Variants in NECTIN3 observed in about 807,000 individuals in gnomAD.
The protein encoded by NECTIN3 is nectin-3.
A neutral mutation model predicts 49.4 loss-of-function variants in NECTIN3; 8 were observed. That is an observed-to-expected ratio of 0.16 (90% CI 0.10 to 0.29). The LOEUF is 0.29. NECTIN3 is among the 10% of genes least tolerant of loss of function. NECTIN3 has a pLI of 1.00. For missense variants in NECTIN3, 581 were observed against 654.6 expected, an observed-to-expected ratio of 0.89 and a Z score of 1.23; for synonymous variants, 277 against 241.1, an observed-to-expected ratio of 1.15 and a Z score of -1.38.
At chr3:111,165,031 A>G (rs1186690632) in intron 7 of NECTIN3, among the ~76,000 whole-genome samples, 1 of 151,800 alleles carries the variant, frequency 6.6e-6, no homozygotes, top group Non-Finnish European at 1.5e-5. Flanking sequence ...GATGTTTTTT[A>G]TTTTTTTATT....
chr3:111,170,479 G>A (rs906100571), intron 7 of NECTIN3, among the ~76,000 whole-genome samples: 2 of 152,190 alleles, frequency 1.3e-5, no homozygotes, highest in African/African-American at 2.4e-5. Flanking sequence ...TTTTATTAAA[G>A]CACAGTGAGG....
At position 111,136,784 on chromosome 3, in the gene NECTIN3, A is replaced by T. The variant is rs931768767; in HGVS notation, c.*2569A>T. The stretch of plus-strand genomic sequence containing the variant: ...AATTCACTTGAGAGTTTTCTTTCAT[A>T]CTGGTTAAAATATTTCAATGATATA... On this transcript the variant is annotated 3_prime_UTR_variant, in exon 6 of 6. Coordinates refer to ENST00000485303, the MANE Select transcript of NECTIN3 (RefSeq NM_015480.3). The T allele has an allele frequency of 1.1e-6, 1 of 934,190 alleles. No individual in the cohort carries two copies. Among genetic ancestry groups the T allele is most frequent in the African/African-American group, 1.8e-5 (1 of 55,834 alleles). The allele number at this position is 934,190 out of a possible 1,614,324, so 57.9% of individuals were successfully genotyped here. A position where few individuals can be genotyped will look rare whatever the true frequency, so the allele number is the denominator to read the frequency against.
At chr3:111,184,493 G>A (rs942075440) in intron 7 of NECTIN3, among the ~76,000 whole-genome samples, 4 of 152,124 alleles carry the variant, frequency 2.6e-5, no homozygotes, top group Non-Finnish European at 5.9e-5. Flanking sequence ...GTAGAATGAT[G>A]TAACATGAAG....
intron 1 of NECTIN3, among the ~76,000 whole-genome samples, chr3:111,192,946 A>G (rs2035838927): frequency 6.6e-6 from 1 of 152,180 alleles, no homozygotes; most frequent in South Asian, 2.1e-4. Flanking sequence ...AAATTTTAAA[A>G]TGTGAAACTG....
intron 1 of NECTIN3, among the ~76,000 whole-genome samples, chr3:111,100,454 T>G (rs2032839914): frequency 6.6e-6 from 1 of 152,130 alleles, no homozygotes; most frequent in Non-Finnish European, 1.5e-5. Flanking sequence ...TCAAGCTATA[T>G]GTATAAGGTG....
chr3:111,078,936 C>T (rs1365171673), intron 1 of NECTIN3, among the ~76,000 whole-genome samples: 1 of 152,040 alleles, frequency 6.6e-6, no homozygotes, highest in African/African-American at 2.4e-5. Flanking sequence ...ACATCTGACT[C>T]TGGAACTGAG....
At chr3:111,119,003 A>G in intron 3 of NECTIN3, 51 bp downstream of exon 3, 2 of 1,440,286 alleles carry the variant, frequency 1.4e-6, no homozygotes, top group South Asian at 2.7e-5. Context: ...CATGTTTATC[A>G]AACTATTTTT....
intron 2 of NECTIN3, among the ~76,000 whole-genome samples, chr3:111,114,672 A>G (rs952314588): frequency 1.3e-5 from 2 of 152,192 alleles, no homozygotes; most frequent in African/African-American, 4.8e-5. Context: ...GCAGGCAAAA[A>G]TGAAAGAATA....
chr3:111,153,464 T>C (rs2035038543), intron 7 of NECTIN3, among the ~76,000 whole-genome samples: 1 of 152,050 alleles, frequency 6.6e-6, no homozygotes, highest in Non-Finnish European at 1.5e-5. Context: ...TCAAAGCTTT[T>C]GCTATCTGTC....
chr3:111,185,471 G>A (rs2035703015), intron 7 of NECTIN3, among the ~76,000 whole-genome samples: 1 of 148,542 alleles, frequency 6.7e-6, no homozygotes, highest in African/African-American at 2.6e-5. Context: ...AGGAAGGTTA[G>A]TCTGGTATTA....
intron 5 of NECTIN3, among the ~76,000 whole-genome samples, chr3:111,133,411 A>G (rs1041333196): frequency 5.3e-5 from 8 of 152,030 alleles, no homozygotes; most frequent in South Asian, 2.1e-4. Context: ...CATAGGTTTT[A>G]TTCCTTTCTC....
intron 3 of NECTIN3, among the ~76,000 whole-genome samples, chr3:111,119,169 T>C (rs2033834348): frequency 6.6e-6 from 1 of 152,200 alleles, no homozygotes; most frequent in East Asian, 1.9e-4. Flanking sequence ...TATATAACCA[T>C]TTCCTTTTAA....
At chr3:111,137,987 TTA>T (rs1481324254), downstream of NECTIN3, among the ~76,000 whole-genome samples, 1 of 151,600 alleles carries the variant, frequency 6.6e-6, no homozygotes, top group Non-Finnish European at 1.5e-5. Flanking sequence ...TAGTTATAAA[TTA>T]TCTTATCTCT....
chr3:111,077,138 A>G (rs1460546468), intron 1 of NECTIN3: 2 of 392,262 alleles, frequency 5.1e-6, no homozygotes, highest in South Asian at 2.0e-5. Flanking sequence ...GTTATTTTAG[A>G]AAGGATATTA....
At chr3:111,077,676 C>T (rs918581655) in intron 1 of NECTIN3, among the ~76,000 whole-genome samples, 3 of 151,970 alleles carry the variant, frequency 2.0e-5, no homozygotes, top group African/African-American at 7.2e-5. Flanking sequence ...TCAGATAATT[C>T]TTTTTTCTCT....
intron 5 of NECTIN3, among the ~76,000 whole-genome samples, chr3:111,132,843 C>T (rs958165532): frequency 6.6e-6 from 1 of 151,778 alleles, no homozygotes; most frequent in Non-Finnish European, 1.5e-5. Flanking sequence ...ATAACTTGCC[C>T]ATAGGGTGTT....
chr3:111,179,808 G>A (rs1340406669), intron 7 of NECTIN3, among the ~76,000 whole-genome samples: 1 of 151,670 alleles, frequency 6.6e-6, no homozygotes, highest in Non-Finnish European at 1.5e-5. Flanking sequence ...CAGAAGAATG[G>A]TGTGAACCTG....
intron 7 of NECTIN3, among the ~76,000 whole-genome samples, chr3:111,157,873 CAT>C (rs2035130293): frequency 6.6e-6 from 1 of 151,952 alleles, no homozygotes; most frequent in Non-Finnish European, 1.5e-5. Context: ...TAGATATCTT[CAT>C]GTGATTCTTA....
downstream of NECTIN3, among the ~76,000 whole-genome samples, chr3:111,142,336 A>T (rs1447460014): frequency 6.6e-6 from 1 of 151,842 alleles, no homozygotes; most frequent in African/African-American, 2.4e-5. Flanking sequence ...TGCTCATTTC[A>T]GCAGCTACCA....
Sources: gnomAD v4.1 joint callset for allele counts (sites outside exome capture counted in the v4.1 genomes callset) on GRCh38, gnomAD v4.1.1 for gene constraint, MANE v1.5 for transcripts, NCBI Gene and HGNC (gene_info 2026-07-23, HGNC 2026-07-21) for gene names.